ESRRG: variants seen among roughly 807,000 people sequenced by gnomAD.
The protein encoded by ESRRG is estrogen-related receptor gamma.
Under a neutral mutation model 44.0 loss-of-function variants are expected in ESRRG, and 13 were observed. The ratio of observed to expected loss-of-function variants is 0.30; its 90% CI spans 0.19 to 0.47. The LOEUF is 0.47. Among genes scored for constraint, ESRRG ranks in the 20% least tolerant of loss-of-function variants. The pLI is 1.00. For missense variants in ESRRG, 395 were observed against 580.6 expected, an observed-to-expected ratio of 0.68 and a Z score of 3.29; for synonymous variants, 215 against 214.6, an observed-to-expected ratio of 1.00 and a Z score of -0.02.
At chr1:216,992,172 GC>G (rs1438222950) in intron 1 of ESRRG, among the ~76,000 whole-genome samples, 1 of 152,182 alleles carries the variant, frequency 6.6e-6, no homozygotes, top group Admixed American at 6.5e-5. Context: ...CACACACAGT[GC>G]TTAAGCTTCC....
chr1:216,876,976 ATGTGTGTGTGTGTGTG>A (rs61039286), intron 2 of ESRRG, among the ~76,000 whole-genome samples: 1 of 145,366 alleles, frequency 6.9e-6, no homozygotes, highest in African/African-American at 2.5e-5. Flanking sequence ...CTCTTCACTA[ATGTGTGTGTGTGTGTG>A]TGTGTGTGTG....
rs1275666410 is a variant in ESRRG at position 216,634,719 on chromosome 1, A to G, written c.589+16254T>C. Among the ~76,000 whole-genome samples the G allele has an allele frequency of 2.0e-5, 3 of 152,272 alleles. No individual in the cohort carries two copies. The South Asian group carries it at 6.2e-4, about 32-fold the overall frequency. On this transcript the variant is annotated intron_variant, in intron 3 of 6. Coordinates refer to ENST00000408911, the MANE Select transcript of ESRRG (RefSeq NM_001438.4). ...TCCACCTCACTGATGCAACTGGTGAAGGGACAGACAGGGGCGTGGATACAT... is the reference window on the plus strand; with the variant it reads ...TCCACCTCACTGATGCAACTGGTGAGGGGACAGACAGGGGCGTGGATACAT...
intron 2 of ESRRG, among the ~76,000 whole-genome samples, chr1:216,811,493 G>A (rs775251800): frequency 3.3e-5 from 5 of 152,096 alleles, no homozygotes; most frequent in African/African-American, 4.8e-5. Flanking sequence ...ACGCGCACTT[G>A]CAAAAAATAA....
chr1:217,088,447 T>C (rs1181148929), intron 1 of ESRRG, among the ~76,000 whole-genome samples: 3 of 138,244 alleles, frequency 2.2e-5, no homozygotes, highest in East Asian at 4.7e-4. Flanking sequence ...GAGAGAGTGC[T>C]ATTTTCAACA....
chr1:216,856,352 AACAC>A (rs5780935), intron 2 of ESRRG, among the ~76,000 whole-genome samples: 8,445 of 141,884 alleles, frequency 0.06, 763 homozygotes, highest in African/African-American at 0.2. Context: ...TTCTCTCTTC[AACAC>A]ACACACACAC....
intron 1 of ESRRG, among the ~76,000 whole-genome samples, chr1:217,048,010 A>T (rs961769747): frequency 6.6e-6 from 1 of 152,198 alleles, no homozygotes. Context: ...CACTTCTCTG[A>T]AGTGCTGGAT....
At chr1:216,572,396 C>G (rs2060972547) in intron 3 of ESRRG, among the ~76,000 whole-genome samples, 1 of 152,116 alleles carries the variant, frequency 6.6e-6, no homozygotes, top group South Asian at 2.1e-4. Context: ...GTGGACAAAG[C>G]CTCTTTATTT....
At chr1:217,100,902 G>C (rs139062657) in intron 1 of ESRRG, among the ~76,000 whole-genome samples, 1 of 152,306 alleles carries the variant, frequency 6.6e-6, no homozygotes, top group Non-Finnish European at 1.5e-5. Context: ...CAGGAGATTT[G>C]GAGGGGACAG....
At chr1:216,850,766 A>AAAC (rs2095830067) in intron 2 of ESRRG, among the ~76,000 whole-genome samples, 1 of 152,058 alleles carries the variant, frequency 6.6e-6, no homozygotes, top group Admixed American at 6.6e-5. Context: ...TGGAAATAAG[A>AAAC]TTGATGATAT....
chr1:216,644,438 T>G (rs1310918103), intron 3 of ESRRG, among the ~76,000 whole-genome samples: 2 of 149,074 alleles, frequency 1.3e-5, no homozygotes, highest in Non-Finnish European at 3.0e-5. Context: ...TTTTTTTTTT[T>G]TTTTTTCTGA....
intron 3 of ESRRG, among the ~76,000 whole-genome samples, chr1:216,593,529 A>G (rs987276124): frequency 3.3e-5 from 5 of 152,212 alleles, no homozygotes; most frequent in African/African-American, 1.2e-4. Flanking sequence ...ATAACAGCCA[A>G]TTGTAAATAA....
intron 1 of ESRRG, among the ~76,000 whole-genome samples, chr1:216,691,541 C>A (rs1447551714): frequency 6.6e-6 from 1 of 152,136 alleles, no homozygotes; most frequent in East Asian, 1.9e-4. Flanking sequence ...CTTTAACTTT[C>A]ACACACACAA....
chr1:216,547,783 CA>C (rs1223707318), intron 5 of ESRRG, among the ~76,000 whole-genome samples: 1 of 152,058 alleles, frequency 6.6e-6, no homozygotes, highest in Non-Finnish European at 1.5e-5. Context: ...CTTTAGCCGG[CA>C]AACATTGAGA....
intron 2 of ESRRG, among the ~76,000 whole-genome samples, chr1:216,800,003 G>A (rs991117658): frequency 6.6e-6 from 1 of 152,034 alleles, no homozygotes; most frequent in South Asian, 2.1e-4. Context: ...GCTGTGAGGG[G>A]GAGAGGAATC....
In ESRRG at chr1:216,632,715, G is replaced by GT. The variant is rs539446280; in HGVS notation, c.589+18257dup. On this transcript the variant is annotated intron_variant, in intron 3 of 6. Coordinates refer to ENST00000408911, the MANE Select transcript of ESRRG (RefSeq NM_001438.4). ...GCTAAAATTATTGAAGAGTTTTTAGGTTTTTTTATTTTTTTTTAATTCCAG... is the reference window on the plus strand; with the variant it reads ...GCTAAAATTATTGAAGAGTTTTTAGGTTTTTTTTATTTTTTTTTAATTCCAG... Among the ~76,000 whole-genome samples, 147 of 151,906 alleles carry GT rather than the reference G, an allele frequency of 9.7e-4. 1 individual carries two copies. The highest frequency in any genetic ancestry group is 3.0e-3 in the African/African-American group (124 of 41,430).
chr1:216,621,094 C>T (rs2062160797), intron 3 of ESRRG, among the ~76,000 whole-genome samples: 1 of 152,094 alleles, frequency 6.6e-6, no homozygotes, highest in South Asian at 2.1e-4. Context: ...AGATATGTAT[C>T]CACAGTAGAA....
At chr1:216,997,755 A>G (rs145490658) in intron 1 of ESRRG, among the ~76,000 whole-genome samples, 52 of 152,334 alleles carry the variant, frequency 3.4e-4, no homozygotes, top group Middle Eastern at 3.4e-3. Context: ...AATACATTTT[A>G]TAATGAACAC....
rs188780232 is a variant in ESRRG, at chr1:217,069,201, G to T, written c.-106+20306C>A. ...AGAAAAACATGAAAATACTAGACTG[G>T]CCTAGCCTCCCAGTCTACATCTTTC... On this transcript the variant is annotated intron_variant, in intron 1 of 7. Coordinates refer to the ESRRG transcript ENST00000359162. Among the ~76,000 whole-genome samples, 383 of 152,166 alleles carry T rather than the reference G, an allele frequency of 2.5e-3. 1 individual carries two copies. The highest frequency in any genetic ancestry group is 8.8e-3 in the African/African-American group (366 of 41,528).
At chr1:217,047,394 A>G (rs1450314538) in intron 1 of ESRRG, among the ~76,000 whole-genome samples, 1 of 152,094 alleles carries the variant, frequency 6.6e-6, no homozygotes, top group South Asian at 2.1e-4. Context: ...TCATCCATCC[A>G]TGAAACCCAG....
Sources: allele counts gnomAD v4.1 joint callset (sites outside exome capture counted in the v4.1 genomes callset), GRCh38; gene constraint gnomAD v4.1.1; transcripts MANE v1.5; gene names NCBI Gene and HGNC (gene_info 2026-07-23, HGNC 2026-07-21).